The following ELAC1 variants were observed in gnomAD, a reference collection of about 807,000 sequenced individuals.
ELAC1 encodes zinc phosphodiesterase ELAC protein 1.
Under a neutral mutation model 25.8 loss-of-function variants are expected in ELAC1, and 19 were observed. The observed-to-expected ratio is 0.74, with a 90% CI of 0.51 to 1.08. The LOEUF (loss-of-function observed/expected upper bound fraction) is 1.08. Among genes scored for constraint, ELAC1 ranks in the 50% least tolerant of loss-of-function variants. ELAC1 has a pLI of 0.00. For missense variants in ELAC1, 403 were observed against 434.6 expected, an observed-to-expected ratio of 0.93 and a Z score of 0.65; for synonymous variants, 148 against 160.9, an observed-to-expected ratio of 0.92 and a Z score of 0.61.
intron 2 of ELAC1, among the ~76,000 whole-genome samples, chr18:50,982,559 TTG>T (rs1907981334): frequency 6.6e-6 from 1 of 152,248 alleles, no homozygotes; most frequent in Non-Finnish European, 1.5e-5. Context: ...TTAATTTTTG[TTG>T]TTACTTTTGA....
chr18:50,986,701 A>C lies in ELAC1; in HGVS notation c.708A>C (p.Gln236His), dbSNP rs745901121. The C allele has an allele frequency of 6.2e-7, 1 of 1,614,196 alleles. No homozygotes were observed. Among genetic ancestry groups the C allele is most frequent in the Non-Finnish European group, 8.5e-7 (1 of 1,180,028 alleles). ...VLENGVTISP[Q>H]DVLKKPIVGR... is the part of the protein sequence containing the mutation. ...AAAATGGGGTTACAATTTCTCCCCA[A>C]GATGTCTTAAAAAAGCCTATTGTTG... Residue 236 changes from glutamine to histidine, a missense_variant, in exon 4 of 4, where the codon CAA (glutamine) becomes CAC (histidine). Physicochemically the swap from Gln to His is conservative, Grantham distance 24. Transcript: ENST00000269466.
In ELAC1 at chr18:50,988,065, T is replaced by C. The variant is rs974585101; in HGVS notation, c.*980T>C. On this transcript the variant is annotated 3_prime_UTR_variant, in exon 4 of 4. Coordinates refer to ENST00000269466, the MANE Select transcript of ELAC1 (RefSeq NM_018696.3). ...AACCTGGAGGTAAAAAATGCTTATCTGTTAAACTGAGGTTTCATTGACGTG... is the reference window on the plus strand; with the variant it reads ...AACCTGGAGGTAAAAAATGCTTATCCGTTAAACTGAGGTTTCATTGACGTG... 6.6e-6 allele frequency: 1 copy of C among 152,220 alleles called. No homozygotes were observed. The highest frequency in any genetic ancestry group is 1.5e-5 in the Non-Finnish European group (1 of 68,040). The allele number at this position is 152,220 out of a possible 1,614,324, so 9.4% of individuals were successfully genotyped here.
At chr18:50,977,201 A>T (rs1907816096) in intron 2 of ELAC1, among the ~76,000 whole-genome samples, 1 of 151,946 alleles carries the variant, frequency 6.6e-6, no homozygotes, top group South Asian at 2.1e-4. Flanking sequence ...TCTTCTCACA[A>T]CTCTACTAAG....
chr18:50,984,964 T>G (rs1193150049), intron 3 of ELAC1: 1 of 226,076 alleles, frequency 4.4e-6, no homozygotes, highest in Non-Finnish European at 8.6e-6. Flanking sequence ...AAGCTTCCAC[T>G]CCTCTATCCC....
Position 50,987,901 on chromosome 18 carries a change from G to A in ELAC1, c.*816G>A, listed in dbSNP as rs1908155714. On this transcript the variant is annotated 3_prime_UTR_variant, in exon 4 of 4. Transcript: ENST00000269466. ...CAGCAAGTTAGTTTATACTCTTGAT[G>A]TGAATATAGTTTACCAAAATTAGTG... 3 of 152,192 alleles carry A rather than the reference G, an allele frequency of 2.0e-5. No individual in the cohort carries two copies. Among genetic ancestry groups the A allele is most frequent in the South Asian group, 2.1e-4 (1 of 4,838 alleles). The allele number at this position is 152,192 out of a possible 1,614,324, so 9.4% of individuals were successfully genotyped here. A position where few individuals can be genotyped will look rare whatever the true frequency, so the allele number is the denominator to read the frequency against.
At position 50,968,060 on chromosome 18, in the gene ELAC1, GCCA is replaced by G. The variant is rs1907545644; in HGVS notation, c.-62_-60del. The G allele has an allele frequency of 2.6e-5, 4 of 152,052 alleles. No homozygotes were observed. The highest frequency in any genetic ancestry group is 2.0e-4 in the Admixed American group (3 of 15,268). The allele number at this position is 152,052 out of a possible 1,614,324, so 9.4% of individuals were successfully genotyped here. The stretch of plus-strand genomic sequence containing the variant: ...GCATTGTAGCCCCGCGGACAGCTGG[GCCA>G]GGGTGCGGGCCTGCGCCTCCCTCGG... On this transcript the variant is annotated 5_prime_UTR_variant, in exon 1 of 4. Coordinates refer to ENST00000269466, the MANE Select transcript of ELAC1 (RefSeq NM_018696.3).
At chr18:50,974,644 GA>G in intron 2 of ELAC1, 83 bp downstream of exon 2, 1 of 1,366,588 alleles carries the variant, frequency 7.3e-7, no homozygotes, top group Admixed American at 1.8e-5. Flanking sequence ...ATTTTGTTTA[GA>G]AACAGCCCTG....
rs755124723 is a variant in ELAC1 at position 50,986,949 on chromosome 18, A to G, written c.956A>G (p.Lys319Arg). 3.1e-5 allele frequency: 50 copies of G among 1,613,962 alleles called. No individual in the cohort carries two copies. The highest frequency in any genetic ancestry group is 4.0e-5 in the Non-Finnish European group (47 of 1,179,990). ...LVLTHFSQRYKPVALAREGET... is the reference protein window; with the variant it reads ...LVLTHFSQRYRPVALAREGET... The stretch of plus-strand genomic sequence containing the variant: ...CTGACTCACTTCAGTCAGAGGTACA[A>G]ACCAGTTGCCTTGGCCAGAGAAGGA... The change falls in exon 4 of 4, where the codon AAA becomes AGA. Residue 319 changes from lysine (K) to arginine (R), a missense_variant. Transcript: ENST00000269466.
chr18:50,973,008 A>G (rs1390894110), intron 1 of ELAC1, among the ~76,000 whole-genome samples: 4 of 152,234 alleles, frequency 2.6e-5, no homozygotes, highest in Non-Finnish European at 4.4e-5. Context: ...CATCTCTGTG[A>G]TATCAAGTCA....
chr18:50,985,977 G>A (rs962356342), intron 3 of ELAC1, among the ~76,000 whole-genome samples: 1 of 138,008 alleles, frequency 7.2e-6, no homozygotes, highest in African/African-American at 2.6e-5. Context: ...AAGTTACTTT[G>A]TAGGTACTTG....
rs1908046985 is a variant in ELAC1 at position 50,984,469 on chromosome 18, A to AT, written c.534dup (p.Arg179SerfsTer21). ...ATGATGAACAATTTGTTGTAAAAGC[A>AT]TTTCGCCTCTTTCACAGAATTCCCT... On this transcript the variant is annotated frameshift_variant, in exon 3 of 4. Coordinates refer to ENST00000269466, the MANE Select transcript of ELAC1 (RefSeq NM_018696.3). LOFTEE classifies it high-confidence loss of function. 1 of 1,612,320 alleles carries AT rather than the reference A, an allele frequency of 6.2e-7. No individual in the cohort carries two copies. Among genetic ancestry groups the AT allele is most frequent in the African/African-American group, 1.3e-5 (1 of 74,806 alleles).
chr18:50,984,880 C>A, intron 3 of ELAC1: 1 of 433,628 alleles, frequency 2.3e-6, no homozygotes, highest in Non-Finnish European at 4.0e-6. Flanking sequence ...TGCAGTAAGC[C>A]AAGATAGTGT....
At chr18:50,981,993 T>C (rs1485025899) in intron 2 of ELAC1, among the ~76,000 whole-genome samples, 2 of 152,050 alleles carry the variant, frequency 1.3e-5, no homozygotes. Context: ...ATTACAGGCA[T>C]GTGCCATCAC....
At chr18:50,975,349 ATCC>A (rs1007032938) in intron 2 of ELAC1, among the ~76,000 whole-genome samples, 7 of 152,026 alleles carry the variant, frequency 4.6e-5, no homozygotes, top group Middle Eastern at 6.8e-3. Flanking sequence ...GCTTTCCCAA[ATCC>A]TCCTGGATTA....
At chr18:50,972,165 A>C (rs1312421166) in intron 1 of ELAC1, among the ~76,000 whole-genome samples, 1 of 151,568 alleles carries the variant, frequency 6.6e-6, no homozygotes, top group Non-Finnish European at 1.5e-5. Flanking sequence ...ATGTCTTGCC[A>C]ATAAGGGCTT....
intron 2 of ELAC1, among the ~76,000 whole-genome samples, chr18:50,976,490 C>T (rs927242463): frequency 3.9e-5 from 6 of 152,248 alleles, no homozygotes; most frequent in African/African-American, 1.2e-4. Flanking sequence ...TTTATCAACC[C>T]GTCAGATCTC....
chr18:50,979,806 A>C (rs1357446470), intron 2 of ELAC1, among the ~76,000 whole-genome samples: 1 of 151,974 alleles, frequency 6.6e-6, no homozygotes, highest in Non-Finnish European at 1.5e-5. Flanking sequence ...GGCTCATTAC[A>C]ACCTCTGCCT....
intron 2 of ELAC1, among the ~76,000 whole-genome samples, chr18:50,977,344 C>T (rs207476819): frequency 4.6e-5 from 7 of 152,242 alleles, no homozygotes; most frequent in Non-Finnish European, 1.0e-4. Context: ...TTCCATACAT[C>T]CTCTGAAATC....
At position 50,974,458 on chromosome 18, in the gene ELAC1, C is replaced by G; in HGVS notation, c.54C>G (p.Thr18=). 2 of 1,595,964 alleles carry G rather than the reference C, an allele frequency of 1.3e-6. No homozygotes were observed. The highest frequency in any genetic ancestry group is 1.7e-6 in the Non-Finnish European group (2 of 1,171,204). Reference sequence around the variant, plus strand: ...CGGGTGCAGCATACCCATCTCCAACCCGGGGTGCCTCTGCTGTGGTCCTTC... The same window carrying G: ...CGGGTGCAGCATACCCATCTCCAACGCGGGGTGCCTCTGCTGTGGTCCTTC... The part of the protein sequence containing the change: ...LGTGAAYPSP[T]RGASAVVLRC... The change falls in exon 2 of 4, where the codon ACC becomes ACG. Residue 18 remains threonine, a synonymous_variant. Coordinates refer to ENST00000269466, the MANE Select transcript of ELAC1 (RefSeq NM_018696.3).
Sources: allele counts gnomAD v4.1 joint callset (sites outside exome capture counted in the v4.1 genomes callset), GRCh38; gene constraint gnomAD v4.1.1; transcripts MANE v1.5; gene names NCBI Gene and HGNC (gene_info 2026-07-23, HGNC 2026-07-21).